FGD6: variants seen among roughly 807,000 people sequenced by gnomAD.
FGD6 encodes FYVE, RhoGEF and PH domain containing 6.
Under a neutral mutation model 149.4 loss-of-function variants are expected in FGD6, and 90 were observed. That is an observed-to-expected ratio of 0.60 (90% CI 0.51 to 0.72). The LOEUF is 0.72. FGD6 is among the 30% of genes least tolerant of loss of function. FGD6 has a pLI of 0.00. For synonymous variants in FGD6, 527 were observed against 584.0 expected (o/e 0.90, Z 1.41); for missense variants, 1,437 against 1,684.8 (o/e 0.85, Z 2.57).
Position 95,209,402 on chromosome 12 carries a change from T to A in FGD6, c.1882A>T (p.Lys628Ter). 1 of 1,613,074 alleles carries A rather than the reference T, an allele frequency of 6.2e-7. No individual in the cohort carries two copies. The highest frequency in any genetic ancestry group is 2.2e-5 in the East Asian group (1 of 44,858). Residue 628 changes from lysine to a stop codon, truncating the protein, a stop_gained, in exon 2 of 21, where the codon AAA becomes TAA. Transcript: ENST00000343958. LOFTEE classifies it high-confidence loss of function. ...CKDSTKKNSF[K>*]KLLSMKLSIC... ...GACAGTTTCATGCTGAGCAACTTTT[T>A]AAAAGAGTTTTTCTTTGTAGAGTCT...
At chr12:95,126,892 C>T (rs1174761841) in intron 8 of FGD6, among the ~76,000 whole-genome samples, 1 of 152,084 alleles carries the variant, frequency 6.6e-6, no homozygotes, top group Non-Finnish European at 1.5e-5. Flanking sequence ...CATACCACTG[C>T]ACTCCAGCTG....
chr12:95,197,802 G>A (rs1233543951), intron 2 of FGD6, among the ~76,000 whole-genome samples: 2 of 152,124 alleles, frequency 1.3e-5, no homozygotes, highest in African/African-American at 2.4e-5. Context: ...TCCTTTCCAT[G>A]CCATTAATGT....
At chr12:95,173,370 C>T (rs1160736761) in intron 2 of FGD6, among the ~76,000 whole-genome samples, 2 of 152,140 alleles carry the variant, frequency 1.3e-5, no homozygotes, top group African/African-American at 2.4e-5. Flanking sequence ...ATTTGCCCAG[C>T]AATTACAACT....
chr12:95,216,903 C>T (rs2056813971), intron 1 of FGD6, among the ~76,000 whole-genome samples: 1 of 152,214 alleles, frequency 6.6e-6, no homozygotes, highest in South Asian at 2.1e-4. Context: ...ACTATTTTCA[C>T]ATGCAAAGGC....
At chr12:95,122,502 C>T (rs888120015) in intron 8 of FGD6, among the ~76,000 whole-genome samples, 26 of 150,228 alleles carry the variant, frequency 1.7e-4, no homozygotes, top group South Asian at 1.5e-3. Context: ...AAAAATTAGC[C>T]GGGCGTGGTG....
At chr12:95,195,335 T>C (rs1241755140) in intron 2 of FGD6, among the ~76,000 whole-genome samples, 1 of 152,036 alleles carries the variant, frequency 6.6e-6, no homozygotes, top group Admixed American at 6.6e-5. Context: ...TACTGGCAGA[T>C]TGAGGCCACA....
chr12:95,113,666 A>C lies in FGD6; in HGVS notation c.3118T>G (p.Tyr1040Asp), dbSNP rs1565899322. ...AGTTATTTACCTTGAGTGTCTCTGT[A>C]ATCTCCAGCATCTTCTATGAGATTC... ...LKNLIEDAGD[Y>D]RDTQDALAVV... Residue 1040 changes from tyrosine to aspartate, a missense_variant, in exon 9 of 21, where the codon TAC becomes GAC. Transcript: ENST00000343958. The C allele has an allele frequency of 1.3e-6, 2 of 1,595,988 alleles. No homozygotes were observed. The highest frequency in any genetic ancestry group is 1.7e-6 in the Non-Finnish European group (2 of 1,173,376).
intron 2 of FGD6, among the ~76,000 whole-genome samples, chr12:95,194,382 T>A (rs1331553569): frequency 6.6e-6 from 1 of 151,044 alleles, no homozygotes; most frequent in African/African-American, 2.4e-5. Flanking sequence ...ATTACAGGCA[T>A]GAACCACTAT....
chr12:95,137,587 T>C lies in FGD6; in HGVS notation c.2929A>G (p.Ile977Val), dbSNP rs771479524. The change falls in exon 7 of 21, where the codon ATA (isoleucine) becomes GTA (valine). Residue 977 changes from isoleucine to valine, a missense_variant. Coordinates refer to ENST00000343958, the MANE Select transcript of FGD6 (RefSeq NM_018351.4). ...TTGCACTGTTCATCCAGCAAGGCTA[T>C]ATTCTTATCAAATTCTTTGATGTAT... Reference protein sequence around the residue: ...STYIKEFDKNIALLDEQCKKN... With the variant: ...STYIKEFDKNVALLDEQCKKN... 30 of 1,611,442 alleles carry C rather than the reference T, an allele frequency of 1.9e-5. No individual in the cohort carries two copies. In the South Asian group the frequency reaches 2.6e-4, roughly 14 times the overall value.
At chr12:95,097,479 T>C (rs1295938280) in intron 14 of FGD6, among the ~76,000 whole-genome samples, 2 of 151,656 alleles carry the variant, frequency 1.3e-5, no homozygotes, top group African/African-American at 4.8e-5. Context: ...CTACTAAAAA[T>C]ACAAAAATTA....
chr12:95,155,252 C>G (rs576004262), intron 3 of FGD6, among the ~76,000 whole-genome samples: 1 of 152,114 alleles, frequency 6.6e-6, no homozygotes, highest in South Asian at 2.1e-4. Context: ...TCAGGCCGGG[C>G]GCACTGGCTC....
chr12:95,187,726 C>T (rs1881484454), intron 2 of FGD6, among the ~76,000 whole-genome samples: 1 of 151,668 alleles, frequency 6.6e-6, no homozygotes, highest in South Asian at 2.1e-4. Context: ...AACAGCTCAT[C>T]ACCAGCTTAA....
At chr12:95,164,342 C>T (rs908516040) in intron 3 of FGD6, among the ~76,000 whole-genome samples, 1 of 151,140 alleles carries the variant, frequency 6.6e-6, no homozygotes, top group African/African-American at 2.4e-5. Context: ...CCCTGGTTCA[C>T]GCCATTCTCC....
chr12:95,148,947 T>A (rs1424288778), intron 5 of FGD6, among the ~76,000 whole-genome samples: 1 of 302 alleles, frequency 3.3e-3, no homozygotes, highest in Non-Finnish European at 4.5e-3. Context: ...ATTATATATA[T>A]TATATAAGAT....
intron 3 of FGD6, among the ~76,000 whole-genome samples, chr12:95,170,770 T>C (rs571831828): frequency 6.6e-6 from 1 of 152,342 alleles, no homozygotes; most frequent in Admixed American, 6.5e-5. Flanking sequence ...TCCATGAAGC[T>C]GCAACATGGA....
chr12:95,152,892 A>T, intron 4 of FGD6, 34 bp downstream of exon 4: 1 of 1,613,752 alleles, frequency 6.2e-7, no homozygotes, highest in East Asian at 2.2e-5. Context: ...AATGGGGGGA[A>T]AACAGTCTTC....
chr12:95,134,606 A>G, intron 8 of FGD6, 133 bp downstream of exon 8: 1 of 768,812 alleles, frequency 1.3e-6, no homozygotes, highest in Non-Finnish European at 2.3e-6. Flanking sequence ...TAAGCAATCT[A>G]CAAATCCACG....
chr12:95,164,163 A>G (rs549435900), intron 3 of FGD6, among the ~76,000 whole-genome samples: 21 of 152,342 alleles, frequency 1.4e-4, no homozygotes, highest in African/African-American at 4.8e-4. Context: ...TCCAAAACAG[A>G]ACCTTTGATC....
intron 17 of FGD6, among the ~76,000 whole-genome samples, chr12:95,090,589 G>A (rs1229894438): frequency 2.0e-5 from 3 of 152,132 alleles, no homozygotes; most frequent in Non-Finnish European, 1.5e-5. Context: ...ATTCAAAGAC[G>A]AATTTTGAAT....
Sources: allele counts gnomAD v4.1 joint callset (sites outside exome capture counted in the v4.1 genomes callset), GRCh38; gene constraint gnomAD v4.1.1; transcripts MANE v1.5; gene names NCBI Gene and HGNC (gene_info 2026-07-23, HGNC 2026-07-21).